The following EVI5 variants were observed in gnomAD, a reference collection of about 807,000 sequenced individuals.
The protein encoded by EVI5 is ecotropic viral integration site 5 protein homolog.
Under a neutral mutation model 112.0 loss-of-function variants are expected in EVI5, and 73 were observed. The ratio of observed to expected loss-of-function variants is 0.65; its 90% CI spans 0.54 to 0.79. EVI5 has a LOEUF of 0.79. EVI5 is among the 30% of genes least tolerant of loss of function. EVI5 has a pLI of 0.00. For missense variants in EVI5, 900 were observed against 968.8 expected (o/e 0.93, Z 0.94); for synonymous variants, 305 against 319.9 (o/e 0.95, Z 0.50).
intron 5 of EVI5, chr1:92,700,975 A>G (rs1477608316): frequency 2.0e-5 from 3 of 152,260 alleles, no homozygotes; most frequent in African/African-American, 7.2e-5. Context: ...CCTTAACATT[A>G]ACAAATCTAG....
At chr1:92,707,042 G>A (rs1020055943) in intron 2 of EVI5, among the ~76,000 whole-genome samples, 1 of 152,094 alleles carries the variant, frequency 6.6e-6, no homozygotes, top group Non-Finnish European at 1.5e-5. Context: ...AGCCGGGCAT[G>A]GTGGCACATG....
At chr1:92,524,616 C>T (rs1661533857) in intron 19 of EVI5, among the ~76,000 whole-genome samples, 1 of 152,132 alleles carries the variant, frequency 6.6e-6, no homozygotes, top group African/African-American at 2.4e-5. Flanking sequence ...TTTTAGACAT[C>T]TCAACAATCA....
At chr1:92,722,242 A>T (rs1328616878) in intron 2 of EVI5, among the ~76,000 whole-genome samples, 1 of 152,172 alleles carries the variant, frequency 6.6e-6, no homozygotes, top group East Asian at 1.9e-4. Context: ...ACTGTATTAT[A>T]CTATAGATCT....
In EVI5 at chr1:92,607,523, C is replaced by CA. The variant is rs139549718; in HGVS notation, c.1974+57dup. ...GATAATCTAATCACGATAAAACAAA[C>CA]AAAAAAAAGGCATTATTATATTGAC... On this transcript the variant is annotated intron_variant, in intron 17 of 19. Coordinates refer to ENST00000684568, the MANE Select transcript of EVI5 (RefSeq NM_001350197.2). 4.0e-3 allele frequency: 4,848 copies of CA among 1,206,240 alleles called. 168 individuals carry two copies. The African/African-American group carries it at 0.066, about 16-fold the overall frequency. The allele number at this position is 1,206,240 out of a possible 1,614,324, so 74.7% of individuals were successfully genotyped here. A position where few individuals can be genotyped will look rare whatever the true frequency, so the allele number is the denominator to read the frequency against.
At chr1:92,677,257 C>T in intron 9 of EVI5, 39 bp from the exon 10 acceptor site, 2 of 1,143,446 alleles carry the variant, frequency 1.7e-6, no homozygotes, top group Non-Finnish European at 2.5e-6. Context: ...GTAATGTTTT[C>T]ATTCAAAAGT....
chr1:92,530,728 G>C (rs1156970477), intron 19 of EVI5, among the ~76,000 whole-genome samples: 1 of 151,720 alleles, frequency 6.6e-6, no homozygotes, highest in African/African-American at 2.4e-5. Context: ...AAGCAGAAAG[G>C]CATAGTATCA....
chr1:92,710,475 G>C (rs1182479785), intron 2 of EVI5, among the ~76,000 whole-genome samples: 1 of 152,108 alleles, frequency 6.6e-6, no homozygotes, highest in Non-Finnish European at 1.5e-5. Flanking sequence ...TGTCCAAGCA[G>C]GAATATTGTA....
chr1:92,549,029 T>C (rs1666310735), intron 19 of EVI5, among the ~76,000 whole-genome samples: 1 of 152,148 alleles, frequency 6.6e-6, no homozygotes, highest in African/African-American at 2.4e-5. Context: ...AAAAAGAGCC[T>C]GCATTGCCAA....
intron 19 of EVI5, among the ~76,000 whole-genome samples, chr1:92,546,716 A>T (rs1665778349): frequency 6.6e-6 from 1 of 152,106 alleles, no homozygotes; most frequent in Non-Finnish European, 1.5e-5. Context: ...AATAAATAAC[A>T]GACTTTAAAC....
chr1:92,601,087 G>A (rs918786117), intron 18 of EVI5, among the ~76,000 whole-genome samples: 5 of 152,144 alleles, frequency 3.3e-5, no homozygotes, highest in Non-Finnish European at 7.4e-5. Flanking sequence ...AGCATGAGCA[G>A]GCAAATACTG....
chr1:92,628,166 C>T (rs574617634), intron 14 of EVI5, among the ~76,000 whole-genome samples: 8 of 152,172 alleles, frequency 5.3e-5, no homozygotes, highest in Non-Finnish European at 1.2e-4. Context: ...CCTTAGCCCA[C>T]TTTTTGATGA....
Position 92,608,779 on chromosome 1 carries a change from G to A in EVI5, c.1828-1052C>T, listed in dbSNP as rs148937567. ...CTGTAAACTTGATGTCACACAATACGGCATATGTGTATTTCTACATGCTCT... is the reference window on the plus strand; with the variant it reads ...CTGTAAACTTGATGTCACACAATACAGCATATGTGTATTTCTACATGCTCT... On this transcript the variant is annotated intron_variant, in intron 16 of 19. Transcript: ENST00000684568. Among the ~76,000 whole-genome samples, 12 of 151,580 alleles carry A rather than the reference G, an allele frequency of 7.9e-5. No homozygotes were observed. In the East Asian group the frequency reaches 9.7e-4, roughly 12 times the overall value.
chr1:92,678,204 A>G (rs546177489), intron 9 of EVI5, among the ~76,000 whole-genome samples: 1 of 152,330 alleles, frequency 6.6e-6, no homozygotes, highest in South Asian at 2.1e-4. Flanking sequence ...TGAATTTAAA[A>G]TAAAGGTCAA....
chr1:92,709,801 T>C (rs1326346003), intron 2 of EVI5, among the ~76,000 whole-genome samples: 1 of 152,086 alleles, frequency 6.6e-6, no homozygotes, highest in African/African-American at 2.4e-5. Context: ...AATCAAGCAT[T>C]TTTATTCCTT....
chr1:92,770,559 G>GT (rs1202912158), intron 1 of EVI5, among the ~76,000 whole-genome samples: 1 of 152,142 alleles, frequency 6.6e-6, no homozygotes, highest in Non-Finnish European at 1.5e-5. Flanking sequence ...GGGAGGCCAA[G>GT]GCGGGCTGAT....
At chr1:92,736,263 A>G (rs1677411368) in intron 2 of EVI5, 135 bp downstream of exon 2, 2 of 619,290 alleles carry the variant, frequency 3.2e-6, no homozygotes, top group Admixed American at 6.0e-5. Flanking sequence ...TCTCCCCCCA[A>G]AAAAGATGAA....
At chr1:92,591,748 A>T (rs1373443749) in intron 18 of EVI5, among the ~76,000 whole-genome samples, 1 of 152,208 alleles carries the variant, frequency 6.6e-6, no homozygotes, top group Non-Finnish European at 1.5e-5. Flanking sequence ...TCAGCTCTGC[A>T]CCAAGTGGAC....
chr1:92,653,324 T>C (rs887968309), intron 13 of EVI5, among the ~76,000 whole-genome samples: 3 of 152,146 alleles, frequency 2.0e-5, no homozygotes, highest in Non-Finnish European at 2.9e-5. Context: ...AGAACAAGTA[T>C]TGCACGCCAA....
At chr1:92,770,339 C>T (rs566100906) in intron 1 of EVI5, among the ~76,000 whole-genome samples, 1 of 152,308 alleles carries the variant, frequency 6.6e-6, no homozygotes, top group African/African-American at 2.4e-5. Context: ...TTGATTTAAC[C>T]AATCCTCTAT....
Sources: allele counts gnomAD v4.1 joint callset (sites outside exome capture counted in the v4.1 genomes callset), GRCh38; gene constraint gnomAD v4.1.1; transcripts MANE v1.5; gene names NCBI Gene and HGNC (gene_info 2026-07-23, HGNC 2026-07-21).